PPP2R2C: variants seen among roughly 807,000 people sequenced by gnomAD.
PPP2R2C encodes the protein protein phosphatase 2 regulatory subunit Bgamma.
Under a neutral mutation model 45.3 loss-of-function variants are expected in PPP2R2C, and 10 were observed. The observed-to-expected ratio is 0.22, with a 90% CI of 0.14 to 0.37. PPP2R2C has a LOEUF of 0.37. Ranked by LOEUF, PPP2R2C falls within the 10% of genes least tolerant of loss-of-function variation. The pLI is 1.00. For synonymous variants in PPP2R2C, 257 were observed against 245.4 expected, an observed-to-expected ratio of 1.05 and a Z score of -0.44; for missense variants, 308 against 619.7, an observed-to-expected ratio of 0.50 and a Z score of 5.34.
chr4:6,398,042 C>G (rs534791347), intron 1 of PPP2R2C, among the ~76,000 whole-genome samples: 1 of 152,172 alleles, frequency 6.6e-6, no homozygotes, highest in Non-Finnish European at 1.5e-5. Flanking sequence ...GGTGATTCCA[C>G]GAGGAAAGCA....
At chr4:6,560,080 C>T (rs1035506256) in intron 1 of PPP2R2C, among the ~76,000 whole-genome samples, 1 of 152,226 alleles carries the variant, frequency 6.6e-6, no homozygotes. Flanking sequence ...GGAAGCCCAC[C>T]AAGGAAGAGG....
intron 2 of PPP2R2C, among the ~76,000 whole-genome samples, chr4:6,483,435 T>C (rs1411218681): frequency 6.6e-6 from 1 of 152,142 alleles, no homozygotes. Context: ...TCACCAAAAT[T>C]TGGTATAGTC....
At chr4:6,510,987 A>C (rs1370157807) in intron 2 of PPP2R2C, among the ~76,000 whole-genome samples, 14 of 84,224 alleles carry the variant, frequency 1.7e-4, no homozygotes, top group African/African-American at 3.3e-4. Flanking sequence ...AAACAAAAAA[A>C]AACAAACAAA....
chr4:6,449,984 A>G (rs1720650129), intron 1 of PPP2R2C, among the ~76,000 whole-genome samples: 1 of 152,036 alleles, frequency 6.6e-6, no homozygotes, highest in African/African-American at 2.4e-5. Context: ...GCCGAGCCCC[A>G]TTTTTCTAGG....
intron 1 of PPP2R2C, among the ~76,000 whole-genome samples, chr4:6,410,564 T>C (rs767071333): frequency 3.3e-5 from 5 of 152,144 alleles, no homozygotes; most frequent in African/African-American, 4.8e-5. Context: ...TGGTAGGTAC[T>C]GTGTGGGGAA....
At chr4:6,502,113 G>A (rs1723076859) in intron 2 of PPP2R2C, among the ~76,000 whole-genome samples, 1 of 152,212 alleles carries the variant, frequency 6.6e-6, no homozygotes, top group African/African-American at 2.4e-5. Flanking sequence ...TCTAGGGGAT[G>A]AGGACGAATG....
intron 2 of PPP2R2C, among the ~76,000 whole-genome samples, chr4:6,511,501 GTGA>G (rs1723481390): frequency 5.6e-5 from 3 of 53,502 alleles, no homozygotes; most frequent in East Asian, 7.5e-4. Context: ...GGTGATGGCG[GTGA>G]TGGTGGTGGT....
chr4:6,365,195 C>T (rs995279676), intron 5 of PPP2R2C, among the ~76,000 whole-genome samples: 5 of 152,214 alleles, frequency 3.3e-5, no homozygotes, highest in African/African-American at 1.2e-4. Flanking sequence ...TCGGCCAATG[C>T]TGCTGAATCA....
At chr4:6,500,725 T>C in intron 2 of PPP2R2C, among the ~76,000 whole-genome samples, 1 of 152,304 alleles carries the variant, frequency 6.6e-6, no homozygotes, top group East Asian at 1.9e-4. Context: ...AAATGACAAA[T>C]AGCCCAAGGG....
chr4:6,410,857 ATTTATT>A (rs997164616), intron 1 of PPP2R2C, among the ~76,000 whole-genome samples: 4 of 146,164 alleles, frequency 2.7e-5, no homozygotes, highest in African/African-American at 1.1e-4. Context: ...TTATTTATTT[ATTTATT>A]TATTTATTTA....
chr4:6,443,200 C>T (rs548338957), intron 1 of PPP2R2C, among the ~76,000 whole-genome samples: 27 of 152,334 alleles, frequency 1.8e-4, no homozygotes, highest in African/African-American at 5.8e-4. Context: ...CTCCAGCCTT[C>T]CAGGCAGGTG....
chr4:6,439,601 G>A (rs570683707), intron 1 of PPP2R2C, among the ~76,000 whole-genome samples: 101 of 152,138 alleles, frequency 6.6e-4, no homozygotes, highest in Non-Finnish European at 6.0e-4. Flanking sequence ...CTCCCGCTTC[G>A]TCTCCTAGAA....
rs1195477800 is a variant in PPP2R2C, at chr4:6,320,729, C to A, written c.*2573G>T. On this transcript the variant is annotated 3_prime_UTR_variant, in exon 9 of 9. Transcript: ENST00000382599. ...AGTCCAAACTGATCAGGGCTGACAA[C>A]TTGACCACCATGTATCCCACACCAC... is the stretch of plus-strand genomic sequence containing the variant. 6.6e-6 allele frequency: 1 copy of A among 152,472 alleles called. No individual in the cohort carries two copies. The highest frequency in any genetic ancestry group is 1.5e-5 in the Non-Finnish European group (1 of 68,052). 9.4% of individuals were successfully genotyped at this position (152,472 alleles called of 1,614,324 possible).
Position 6,519,283 on chromosome 4 carries a change from G to A in PPP2R2C, c.49+15988C>T, listed in dbSNP as rs959595490. 5.9e-5 allele frequency among the ~76,000 whole-genome samples: 9 copies of A among 152,238 alleles called. No homozygotes were observed. In the South Asian group the frequency reaches 8.3e-4, roughly 14 times the overall value. The stretch of plus-strand genomic sequence containing the variant: ...GCTGGAGTCATATGAGAGCCCCCAC[G>A]GCACCTAGGAAAGAAGGGAACTGTG... On this transcript the variant is annotated intron_variant, in intron 2 of 9. Transcript: ENST00000506140.
At chr4:6,411,140 G>A (rs573715379) in intron 1 of PPP2R2C, among the ~76,000 whole-genome samples, 2 of 152,068 alleles carry the variant, frequency 1.3e-5, no homozygotes, top group Non-Finnish European at 2.9e-5. Context: ...CAAAGGGCTT[G>A]GATTACAGGT....
chr4:6,554,965 AAG>A (rs1725332324), intron 1 of PPP2R2C, among the ~76,000 whole-genome samples: 11 of 126,840 alleles, frequency 8.7e-5, no homozygotes, highest in South Asian at 3.1e-4. Flanking sequence ...GAAAGAAAGA[AAG>A]AGAAAGAAAG....
In PPP2R2C at chr4:6,368,505, G is replaced by A. The variant is rs779512609; in HGVS notation, c.625+4018C>T. On this transcript the variant is annotated intron_variant, in intron 5 of 8. Transcript: ENST00000382599. The surrounding 1 kb of genome is among the most constrained non-coding windows in gnomAD (Gnocchi z 4.2). ...TGGTAAATGGTGTGCTCTGCAACAT[G>A]CGGACAGGGCACAATCTGTGTGTTC... Among the ~76,000 whole-genome samples, 6 of 152,160 alleles carry A rather than the reference G, an allele frequency of 3.9e-5. No individual in the cohort carries two copies. Among genetic ancestry groups the A allele is most frequent in the Non-Finnish European group, 4.4e-5 (3 of 68,038 alleles).
intron 1 of PPP2R2C, among the ~76,000 whole-genome samples, chr4:6,399,975 G>A (rs1186695404): frequency 6.6e-6 from 1 of 152,216 alleles, no homozygotes; most frequent in Non-Finnish European, 1.5e-5. Flanking sequence ...TCTCCATGTT[G>A]GGTTCAGTTA....
chr4:6,455,355 TC>T (rs1720965587), intron 1 of PPP2R2C, among the ~76,000 whole-genome samples: 1 of 152,100 alleles, frequency 6.6e-6, no homozygotes, highest in Admixed American at 6.5e-5. Context: ...AGAATGCTCA[TC>T]CCATAAAGTT....
Sources: gnomAD v4.1 joint callset for allele counts (sites outside exome capture counted in the v4.1 genomes callset) on GRCh38, gnomAD v4.1.1 for gene constraint, Gnocchi (gnomAD v3.1) non-coding constraint, MANE v1.5 for transcripts, NCBI Gene and HGNC (gene_info 2026-07-23, HGNC 2026-07-21) for gene names.